PABPC4L: variants seen among roughly 807,000 people sequenced by gnomAD.
PABPC4L encodes the protein polyadenylate-binding protein 4-like.
For synonymous variants in PABPC4L, 169 were observed against 164.1 expected (o/e 1.03, Z -0.23); for missense variants, 452 against 451.4 (o/e 1.00, Z -0.01).
the PABPC4L span, among the ~76,000 whole-genome samples, chr4:134,059,387 T>TAC: frequency 4.6e-5 from 2 of 43,374 alleles, no homozygotes; most frequent in African/African-American, 1.2e-4. Context: ...GGAAACAAAC[T>TAC]ATATATATAT....
chr4:134,136,456 C>T, the PABPC4L span, among the ~76,000 whole-genome samples: 2 of 152,060 alleles, frequency 1.3e-5, no homozygotes, highest in East Asian at 3.8e-4. Context: ...ACCCATGGAG[C>T]AATTTGTTTT....
chr4:134,175,350 GT>G, the PABPC4L span, among the ~76,000 whole-genome samples: 1 of 151,800 alleles, frequency 6.6e-6, no homozygotes, highest in African/African-American at 2.4e-5. Context: ...AGCTGTTATT[GT>G]TTTGGTTTGT....
the PABPC4L span, among the ~76,000 whole-genome samples, chr4:134,187,669 T>C: frequency 2.5e-3 from 384 of 152,202 alleles, 2 homozygotes; most frequent in African/African-American, 8.6e-3. Context: ...TTTATTATTA[T>C]GTAATGCCCT....
the PABPC4L span, among the ~76,000 whole-genome samples, chr4:134,096,598 T>C: frequency 6.6e-6 from 1 of 151,898 alleles, no homozygotes. Flanking sequence ...ACAAAGACAA[T>C]GTCTACTATC....
chr4:133,984,809 CTTG>C, the PABPC4L span, among the ~76,000 whole-genome samples: 39 of 151,700 alleles, frequency 2.6e-4, no homozygotes, highest in Admixed American at 1.5e-3. Flanking sequence ...ATTAGAGACA[CTTG>C]TTGTAAGTTT....
At chr4:134,089,316 G>A in the PABPC4L span, among the ~76,000 whole-genome samples, 3 of 151,730 alleles carry the variant, frequency 2.0e-5, no homozygotes, top group East Asian at 3.9e-4. Context: ...GACTTCCTAC[G>A]CTCACGCACC....
the PABPC4L span, among the ~76,000 whole-genome samples, chr4:134,078,306 A>T: frequency 6.6e-6 from 1 of 152,208 alleles, no homozygotes; most frequent in Non-Finnish European, 1.5e-5. Flanking sequence ...GCACGTGTAT[A>T]AAAATAACAG....
the PABPC4L span, among the ~76,000 whole-genome samples, chr4:134,043,342 A>C: frequency 6.6e-6 from 1 of 152,168 alleles, no homozygotes; most frequent in Non-Finnish European, 1.5e-5. Flanking sequence ...TACGTCCCTA[A>C]TGAGTAGAAT....
chr4:133,994,033 CT>C, the PABPC4L span, among the ~76,000 whole-genome samples: 1 of 152,116 alleles, frequency 6.6e-6, no homozygotes, highest in South Asian at 2.1e-4. Flanking sequence ...AACCTCAGCT[CT>C]TTGAGTGCTA....
chr4:134,128,142 C>T, the PABPC4L span, among the ~76,000 whole-genome samples: 1 of 152,008 alleles, frequency 6.6e-6, no homozygotes, highest in African/African-American at 2.4e-5. Context: ...TGAACAAAGC[C>T]TACAAGAAAT....
chr4:134,134,373 A>T, the PABPC4L span, among the ~76,000 whole-genome samples: 26 of 152,156 alleles, frequency 1.7e-4, no homozygotes, highest in African/African-American at 5.1e-4. Context: ...AACTTAGATT[A>T]AAAAAGTGGA....
At chr4:134,007,329 A>G in the PABPC4L span, among the ~76,000 whole-genome samples, 2 of 151,656 alleles carry the variant, frequency 1.3e-5, no homozygotes, top group South Asian at 2.1e-4. Context: ...TTGTCATAAA[A>G]TATTACTTTT....
the PABPC4L span, among the ~76,000 whole-genome samples, chr4:134,029,618 T>C: frequency 1.3e-5 from 2 of 151,910 alleles, no homozygotes; most frequent in Non-Finnish European, 2.9e-5. Context: ...ATAAAATTCA[T>C]TATTTTCAGT....
the PABPC4L span, among the ~76,000 whole-genome samples, chr4:134,048,017 C>T: frequency 6.6e-6 from 1 of 151,952 alleles, no homozygotes; most frequent in African/African-American, 2.4e-5. Context: ...TTAAAACATG[C>T]TTTTTTCCCA....
the PABPC4L span, among the ~76,000 whole-genome samples, chr4:134,073,533 T>C: frequency 1.6e-4 from 25 of 151,808 alleles, no homozygotes; most frequent in Non-Finnish European, 3.5e-4. Context: ...TTTAAAATTC[T>C]GGGGGCTGGA....
chr4:134,025,118 GTCAATAGTT>G, the PABPC4L span, among the ~76,000 whole-genome samples: 1 of 150,364 alleles, frequency 6.7e-6, no homozygotes, highest in South Asian at 2.1e-4. Flanking sequence ...ATCATTTGAG[GTCAATAGTT>G]TGAGACCTGC....
chr4:134,092,084 C>A, the PABPC4L span, among the ~76,000 whole-genome samples: 1 of 151,936 alleles, frequency 6.6e-6, no homozygotes, highest in Admixed American at 6.6e-5. Context: ...GTTTGTGATA[C>A]AGACAGGAGG....
chr4:134,002,892 T>C, the PABPC4L span, among the ~76,000 whole-genome samples: 7 of 152,040 alleles, frequency 4.6e-5, no homozygotes, highest in East Asian at 1.2e-3. Context: ...TGGGTATAGC[T>C]TGGCAAATTG....
the PABPC4L span, among the ~76,000 whole-genome samples, chr4:134,082,392 A>G: frequency 6.6e-6 from 1 of 152,148 alleles, no homozygotes; most frequent in African/African-American, 2.4e-5. Context: ...TCTCAGGCTC[A>G]GAGAAATCAA....
Sources: gnomAD v4.1 joint callset for allele counts (sites outside exome capture counted in the v4.1 genomes callset) on GRCh38, gnomAD v4.1.1 for gene constraint, MANE v1.5 for transcripts, NCBI Gene and HGNC (gene_info 2026-07-23, HGNC 2026-07-21) for gene names.